Variants in SPOCK1 observed in about 807,000 individuals in gnomAD.
SPOCK1 encodes SPARC (osteonectin), cwcv and kazal like domains proteoglycan 1, also known as testican-1.
SPOCK1 carries 23 observed loss-of-function variants against 55.3 expected under a neutral mutation model. The observed-to-expected ratio is 0.42, with a 90% CI of 0.30 to 0.59. The LOEUF is 0.59. Among genes scored for constraint, SPOCK1 ranks in the 20% least tolerant of loss-of-function variants. The pLI is 0.22. For missense variants in SPOCK1, 499 were observed against 552.5 expected, an observed-to-expected ratio of 0.90 and a Z score of 0.97; for synonymous variants, 226 against 221.0, an observed-to-expected ratio of 1.02 and a Z score of -0.20.
chr5:137,349,093 T>C (rs369723300), intron 2 of SPOCK1, among the ~76,000 whole-genome samples: 1 of 152,224 alleles, frequency 6.6e-6, no homozygotes, highest in South Asian at 2.1e-4. Context: ...GATAGTTCTC[T>C]GAAGAATTGA....
chr5:136,987,197 A>G (rs1357250384), intron 8 of SPOCK1, among the ~76,000 whole-genome samples: 1 of 152,116 alleles, frequency 6.6e-6, no homozygotes, highest in Non-Finnish European at 1.5e-5. Context: ...TCTAAGCTTT[A>G]TGGCTTCTTA....
chr5:137,486,659 C>T (rs1754061762), intron 2 of SPOCK1, among the ~76,000 whole-genome samples: 1 of 152,166 alleles, frequency 6.6e-6, no homozygotes, highest in African/African-American at 2.4e-5. Flanking sequence ...AGATCTAGGA[C>T]CTGGATGGCC....
intron 4 of SPOCK1, among the ~76,000 whole-genome samples, chr5:137,118,323 C>T (rs912710229): frequency 2.0e-5 from 3 of 152,226 alleles, no homozygotes; most frequent in African/African-American, 7.2e-5. Flanking sequence ...GCAACAGCTA[C>T]AAGCAAGATG....
chr5:137,376,326 C>T (rs1751314166), intron 2 of SPOCK1, among the ~76,000 whole-genome samples: 1 of 152,216 alleles, frequency 6.6e-6, no homozygotes, highest in Non-Finnish European at 1.5e-5. Flanking sequence ...CTGCCCCGCC[C>T]TCTTGTGCTA....
chr5:137,164,742 C>T (rs940620168), intron 3 of SPOCK1, among the ~76,000 whole-genome samples: 1 of 152,088 alleles, frequency 6.6e-6, no homozygotes, highest in Non-Finnish European at 1.5e-5. Flanking sequence ...GACTAAAGAT[C>T]CCTTAGGCCT....
At chr5:137,447,150 A>G (rs1467733454) in intron 2 of SPOCK1, among the ~76,000 whole-genome samples, 1 of 152,218 alleles carries the variant, frequency 6.6e-6, no homozygotes, top group Non-Finnish European at 1.5e-5. Flanking sequence ...TTATAAGTAG[A>G]TTCTCATAAG....
chr5:137,216,479 G>A (rs1307542130), intron 3 of SPOCK1, among the ~76,000 whole-genome samples: 2 of 152,208 alleles, frequency 1.3e-5, no homozygotes, highest in Admixed American at 1.3e-4. Context: ...CGGAGGCCAA[G>A]GCGGGTGGAT....
chr5:137,121,557 T>A (rs1479217743), intron 4 of SPOCK1, among the ~76,000 whole-genome samples: 1 of 147,670 alleles, frequency 6.8e-6, no homozygotes, highest in Non-Finnish European at 1.5e-5. Flanking sequence ...TTATATATAA[T>A]ATATTTAAAT....
chr5:137,100,571 C>T (rs781279528), intron 5 of SPOCK1, among the ~76,000 whole-genome samples: 3 of 152,196 alleles, frequency 2.0e-5, no homozygotes, highest in Non-Finnish European at 4.4e-5. Flanking sequence ...TCAATCTGAC[C>T]AAACTGTTTG....
intron 5 of SPOCK1, among the ~76,000 whole-genome samples, chr5:137,068,135 T>A (rs1171310733): frequency 6.6e-6 from 1 of 151,994 alleles, no homozygotes; most frequent in Non-Finnish European, 1.5e-5. Flanking sequence ...ATCTGTAGAG[T>A]CCTATCTGGT....
At chr5:137,041,154 A>G (rs1751989265) in intron 6 of SPOCK1, among the ~76,000 whole-genome samples, 1 of 152,240 alleles carries the variant, frequency 6.6e-6, no homozygotes, top group Admixed American at 6.5e-5. Context: ...GAAAAAAAAT[A>G]AACAGATTAA....
intron 2 of SPOCK1, among the ~76,000 whole-genome samples, chr5:137,497,165 G>T (rs1265474292): frequency 6.6e-6 from 1 of 152,226 alleles, no homozygotes; most frequent in Non-Finnish European, 1.5e-5. Flanking sequence ...GCTTAGAGGA[G>T]TCCAGTGGAG....
chr5:137,384,851 T>A (rs2127176580), intron 2 of SPOCK1, among the ~76,000 whole-genome samples: 1 of 152,094 alleles, frequency 6.6e-6, no homozygotes. Context: ...TAGGATGAAA[T>A]CATCTCAAAA....
intron 3 of SPOCK1, among the ~76,000 whole-genome samples, chr5:137,209,381 T>A (rs553671349): frequency 1.2e-4 from 18 of 152,356 alleles, no homozygotes; most frequent in Middle Eastern, 3.4e-3. Flanking sequence ...ATAAATGAAT[T>A]GCTTGTAAGC....
At chr5:137,032,583 A>G (rs1334581041) in intron 6 of SPOCK1, among the ~76,000 whole-genome samples, 1 of 152,144 alleles carries the variant, frequency 6.6e-6, no homozygotes, top group Non-Finnish European at 1.5e-5. Context: ...GGCTCCTGCA[A>G]TGTGGAAAAT....
At chr5:137,304,858 C>A (rs987474406) in intron 2 of SPOCK1, among the ~76,000 whole-genome samples, 2 of 152,198 alleles carry the variant, frequency 1.3e-5, no homozygotes, top group Non-Finnish European at 2.9e-5. Context: ...GGGGCTGTGA[C>A]TGCACCTACT....
chr5:137,397,052 G>A (rs578017886), intron 2 of SPOCK1, among the ~76,000 whole-genome samples: 152 of 152,334 alleles, frequency 1.0e-3, no homozygotes, highest in Middle Eastern at 3.4e-3. Flanking sequence ...AGGTCACTCA[G>A]TAAGTGAGCA....
intron 3 of SPOCK1, among the ~76,000 whole-genome samples, chr5:137,229,927 C>A (rs1210824921): frequency 6.6e-6 from 1 of 152,168 alleles, no homozygotes; most frequent in African/African-American, 2.4e-5. Flanking sequence ...CTCACTCACC[C>A]TGCCGCTCAC....
chr5:137,397,796 A>G (rs1751886043), intron 2 of SPOCK1, among the ~76,000 whole-genome samples: 1 of 152,172 alleles, frequency 6.6e-6, no homozygotes, highest in Non-Finnish European at 1.5e-5. Flanking sequence ...AAGTCATTTC[A>G]GCTGGCTCTC....
Sources: allele counts gnomAD v4.1 joint callset (sites outside exome capture counted in the v4.1 genomes callset), GRCh38; gene constraint gnomAD v4.1.1; transcripts MANE v1.5; gene names NCBI Gene and HGNC (gene_info 2026-07-23, HGNC 2026-07-21).